Variants in HDAC4 observed in about 807,000 individuals in gnomAD.
The protein encoded by HDAC4 is histone deacetylase 4.
In HDAC4, 16 loss-of-function variants were observed where a neutral mutation model predicts 135.1. The ratio of observed to expected loss-of-function variants is 0.12; its 90% CI spans 0.08 to 0.18. The LOEUF (loss-of-function observed/expected upper bound fraction) is 0.18. Ranked by LOEUF, HDAC4 falls within the 10% of genes least tolerant of loss-of-function variation. The pLI is 1.00. For missense variants in HDAC4, 1,143 were observed against 1,511.8 expected (o/e 0.76, Z 4.05); for synonymous variants, 685 against 653.4 (o/e 1.05, Z -0.74).
At chr2:239,060,725 G>C (rs1334863111) in intron 24 of HDAC4, among the ~76,000 whole-genome samples, 6 of 152,244 alleles carry the variant, frequency 3.9e-5, no homozygotes, top group African/African-American at 1.4e-4. Flanking sequence ...GTTTACCGGA[G>C]ACACGGCCAC....
chr2:239,341,889 A>G (rs10211084), intron 2 of HDAC4, among the ~76,000 whole-genome samples: 120,248 of 152,008 alleles, frequency 0.79, 47,861 homozygotes, highest in East Asian at 0.93. Flanking sequence ...GGGCCTCTGG[A>G]GAGTGATTAA....
chr2:239,346,843 CCT>C (rs757188497), intron 2 of HDAC4, among the ~76,000 whole-genome samples: 42 of 138,988 alleles, frequency 3.0e-4, no homozygotes, highest in East Asian at 1.7e-3. Flanking sequence ...ACACACACAC[CCT>C]GTCTCACACA....
intron 3 of HDAC4, among the ~76,000 whole-genome samples, chr2:239,221,598 G>A (rs936578048): frequency 4.0e-5 from 6 of 150,140 alleles, no homozygotes; most frequent in African/African-American, 1.2e-4. Context: ...CTCAAAGTGC[G>A]CTGAGAGTGG....
At chr2:239,220,157 C>T (rs1014777929) in intron 3 of HDAC4, among the ~76,000 whole-genome samples, 1 of 152,152 alleles carries the variant, frequency 6.6e-6, no homozygotes, top group Non-Finnish European at 1.5e-5. Flanking sequence ...TGCAACAGAA[C>T]CAGAAATAAA....
intron 3 of HDAC4, among the ~76,000 whole-genome samples, chr2:239,217,155 C>G (rs546412618): frequency 2.2e-4 from 33 of 152,284 alleles, no homozygotes; most frequent in Admixed American, 1.6e-3. Context: ...CCAAAGGGGA[C>G]CCGCTGGTGG....
chr2:239,061,060 C>T (rs1029039166), intron 24 of HDAC4, among the ~76,000 whole-genome samples: 5 of 152,266 alleles, frequency 3.3e-5, no homozygotes, highest in South Asian at 2.1e-4. Context: ...GGACACACGA[C>T]GTGGACCCTG....
intron 6 of HDAC4, chr2:239,162,043 C>T (rs1457312992): frequency 2.0e-5 from 9 of 442,032 alleles, no homozygotes; most frequent in East Asian, 7.0e-5. Flanking sequence ...GGCGAGGGGG[C>T]GCCAGCTCCC....
chr2:239,088,991 C>T (rs901486997), intron 18 of HDAC4, among the ~76,000 whole-genome samples: 2 of 152,080 alleles, frequency 1.3e-5, no homozygotes, highest in African/African-American at 4.8e-5. Context: ...CACCCATGAA[C>T]GAAGGATCGA....
At chr2:239,116,660 C>T (rs1324635740) in intron 12 of HDAC4, among the ~76,000 whole-genome samples, 1 of 152,238 alleles carries the variant, frequency 6.6e-6, no homozygotes, top group Non-Finnish European at 1.5e-5. Flanking sequence ...CACTCCCCTG[C>T]TGAATGTCCC....
chr2:239,314,227 G>C (rs1049333869), intron 2 of HDAC4, among the ~76,000 whole-genome samples: 3 of 152,144 alleles, frequency 2.0e-5, no homozygotes, highest in African/African-American at 7.2e-5. Context: ...CAAGAAGGAC[G>C]GACATAAAGT....
In HDAC4 at chr2:239,108,068, G is replaced by T; in HGVS notation, c.2094C>A (p.Gly698=). The change falls in exon 15 of 27, where the codon GGC becomes GGA. Residue 698 remains glycine (G), a synonymous_variant. Transcript: ENST00000543185. ...QSIWSRLQET[G]LRGKCECIRG... ...GCGTTACCTCGCATTTGCCCCGGAGGCCCGTCTCCTGCAGGCGGGACCAGA... is the reference window on the plus strand; with the variant it reads ...GCGTTACCTCGCATTTGCCCCGGAGTCCCGTCTCCTGCAGGCGGGACCAGA... 1 of 1,610,942 alleles carries T rather than the reference G, an allele frequency of 6.2e-7. No individual in the cohort carries two copies.
intron 6 of HDAC4, among the ~76,000 whole-genome samples, chr2:239,159,529 A>C (rs1575232477): frequency 7.6e-6 from 1 of 132,034 alleles, no homozygotes. Flanking sequence ...ACCCACCCAC[A>C]CCCCACCTCC....
At position 239,213,148 on chromosome 2, in the gene HDAC4, G is replaced by A. The variant is rs536989229; in HGVS notation, c.95-23071C>T. Reference sequence around the variant, plus strand: ...TGTCCCCAGAATATGAGACGGCCACGATGCTGGAAGGAAGGACAAGAATGA... The same window carrying A: ...TGTCCCCAGAATATGAGACGGCCACAATGCTGGAAGGAAGGACAAGAATGA... On this transcript the variant is annotated intron_variant, in intron 3 of 26. Coordinates refer to ENST00000543185, the MANE Select transcript of HDAC4 (RefSeq NM_001378414.1). Among the ~76,000 whole-genome samples the A allele has an allele frequency of 2.5e-4, 38 of 150,728 alleles. No homozygotes were observed. In the South Asian group the frequency reaches 6.6e-3, roughly 26 times the overall value.
At chr2:239,386,309 AG>A (rs1695805250) in intron 1 of HDAC4, among the ~76,000 whole-genome samples, 1 of 152,138 alleles carries the variant, frequency 6.6e-6, no homozygotes, top group African/African-American at 2.4e-5. Context: ...AGGCATCCTC[AG>A]TTTCTGTACG....
intron 2 of HDAC4, among the ~76,000 whole-genome samples, chr2:239,316,579 C>G (rs745549773): frequency 4.6e-5 from 7 of 152,194 alleles, no homozygotes; most frequent in Non-Finnish European, 7.3e-5. Context: ...CTACCCTGTA[C>G]AGTATACCAA....
chr2:239,132,184 C>T (rs1694084589), intron 11 of HDAC4, among the ~76,000 whole-genome samples: 1 of 152,178 alleles, frequency 6.6e-6, no homozygotes, highest in South Asian at 2.1e-4. Context: ...GTGCACAGCC[C>T]ACTTAACCCT....
At chr2:239,322,563 G>GT (rs1039466846) in intron 2 of HDAC4, among the ~76,000 whole-genome samples, 8 of 152,210 alleles carry the variant, frequency 5.3e-5, no homozygotes, top group Admixed American at 3.3e-4. Flanking sequence ...CCCATCTACT[G>GT]TTTGACTTTC....
rs576281704 is a variant in HDAC4 at position 239,261,382 on chromosome 2, G to A, written c.23-24718C>T. Among the ~76,000 whole-genome samples the A allele has an allele frequency of 2.0e-4, 31 of 152,336 alleles. 1 individual carries two copies. In the South Asian group the frequency reaches 5.6e-3, roughly 27 times the overall value. On this transcript the variant is annotated intron_variant, in intron 2 of 26. Coordinates refer to ENST00000543185, the MANE Select transcript of HDAC4 (RefSeq NM_001378414.1). ...TCCACCCCAGCAGCTGCCGTGTGCT[G>A]AGATGGAGCGTGGTCACAGCCAGCC...
In HDAC4 at chr2:239,349,633, G is replaced by A. The variant is rs539088652; in HGVS notation, c.22+3045C>T. 2.0e-4 allele frequency among the ~76,000 whole-genome samples: 31 copies of A among 152,364 alleles called. No individual in the cohort carries two copies. Among genetic ancestry groups the A allele is most frequent in the Admixed American group, 1.6e-3 (24 of 15,310 alleles). On this transcript the variant is annotated intron_variant, in intron 2 of 26. Coordinates refer to ENST00000543185, the MANE Select transcript of HDAC4 (RefSeq NM_001378414.1). The surrounding 1 kb of genome is among the most constrained non-coding windows in gnomAD (Gnocchi z 5.7). ...GCAAGCCCCATCCCCCGCCTGAGAC[G>A]TGGGCAGAGGCCGCTGGGCCACCAG... is the stretch of plus-strand genomic sequence containing the variant.
Sources: gnomAD v4.1 joint callset for allele counts (sites outside exome capture counted in the v4.1 genomes callset) on GRCh38, gnomAD v4.1.1 for gene constraint, Gnocchi (gnomAD v3.1) non-coding constraint, MANE v1.5 for transcripts, NCBI Gene and HGNC (gene_info 2026-07-23, HGNC 2026-07-21) for gene names.